CHEK1: variants seen among roughly 807,000 people sequenced by gnomAD.
CHEK1 encodes checkpoint kinase 1.
A neutral mutation model predicts 60.2 loss-of-function variants in CHEK1; 32 were observed. The ratio of observed to expected loss-of-function variants is 0.53; its 90% confidence interval spans 0.40 to 0.71. The LOEUF is 0.71. Among genes scored for constraint, CHEK1 ranks in the 30% least tolerant of loss-of-function variants. The pLI, the probability that CHEK1 is intolerant of heterozygous loss-of-function variation, is 0.00. For missense variants in CHEK1, 399 were observed against 564.6 expected, an observed-to-expected ratio of 0.71 and a Z score of 2.97; for synonymous variants, 179 against 187.2, an observed-to-expected ratio of 0.96 and a Z score of 0.36.
intron 13 of CHEK1, among the ~76,000 whole-genome samples, chr11:125,673,824 C>G (rs145173134): frequency 1.4e-3 from 211 of 152,210 alleles, no homozygotes; most frequent in African/African-American, 4.5e-3. Context: ...TCTGTCAGTT[C>G]TACTTGCAAT....
intron 13 of CHEK1, among the ~76,000 whole-genome samples, chr11:125,664,474 A>T (rs1048039576): frequency 6.6e-6 from 1 of 152,038 alleles, no homozygotes; most frequent in Non-Finnish European, 1.5e-5. Context: ...ACCTCAAGTG[A>T]TCCACCCATC....
chr11:125,638,445 G>C (rs1460155395), intron 8 of CHEK1, among the ~76,000 whole-genome samples: 2 of 152,108 alleles, frequency 1.3e-5, no homozygotes, highest in African/African-American at 4.8e-5. Context: ...AATGACTAGA[G>C]ATGATGAATG....
At chr11:125,637,422 G>A (rs1287019719) in intron 7 of CHEK1, 27 bp from the exon 8 acceptor site, 1 of 1,573,310 alleles carries the variant, frequency 6.4e-7, no homozygotes. Flanking sequence ...ATTCTTTCGT[G>A]AATGTTGTCG....
intron 6 of CHEK1, among the ~76,000 whole-genome samples, chr11:125,633,663 GCTGGT>G (rs1172920587): frequency 6.6e-6 from 1 of 152,082 alleles, no homozygotes; most frequent in Non-Finnish European, 1.5e-5. Context: ...TGTTGTCCAG[GCTGGT>G]CTTAAACACC....
intron 8 of CHEK1, among the ~76,000 whole-genome samples, chr11:125,638,153 G>A (rs148610232): frequency 6.6e-6 from 1 of 152,302 alleles, no homozygotes; most frequent in East Asian, 1.9e-4. Context: ...TTTAACTTAA[G>A]ACCACTGGGG....
At chr11:125,680,305 A>G (rs1321515500), downstream of CHEK1, among the ~76,000 whole-genome samples, 2 of 152,172 alleles carry the variant, frequency 1.3e-5, no homozygotes, top group South Asian at 2.1e-4. Context: ...TCTCTGGCCT[A>G]TAGCTCTGTC....
intron 13 of CHEK1, among the ~76,000 whole-genome samples, chr11:125,675,027 T>C (rs1174367144): frequency 1.3e-5 from 2 of 152,204 alleles, no homozygotes; most frequent in African/African-American, 2.4e-5. Flanking sequence ...TAAATCAGTA[T>C]CTCTTTAATC....
At chr11:125,670,236 T>G (rs1942176254) in intron 13 of CHEK1, among the ~76,000 whole-genome samples, 1 of 152,222 alleles carries the variant, frequency 6.6e-6, no homozygotes, top group Non-Finnish European at 1.5e-5. Context: ...TGTTTATTCG[T>G]ATGGCACTAT....
At chr11:125,661,060 G>C (rs1942004943), downstream of CHEK1, among the ~76,000 whole-genome samples, 1 of 152,172 alleles carries the variant, frequency 6.6e-6, no homozygotes, top group Admixed American at 6.5e-5. Context: ...ACAAGCGTGA[G>C]CCACTGCGCC....
intron 13 of CHEK1, among the ~76,000 whole-genome samples, chr11:125,675,683 A>G (rs1209842199): frequency 5.9e-5 from 9 of 152,134 alleles, no homozygotes; most frequent in African/African-American, 1.2e-4. Flanking sequence ...TATCCATTCA[A>G]TATTTACTAA....
At position 125,625,622 on chromosome 11, in the gene CHEK1, C is replaced by G. The variant is rs1940551735; in HGVS notation, c.-411C>G. On this transcript the variant is annotated 5_prime_UTR_variant, in exon 1 of 13. Transcript: ENST00000438015. Reference sequence around the variant, plus strand: ...GCCAGGAGCGAAGCCCGCAGCCCCGCCTGGAAGCGCAGCGCGGTCGGTCGC... The same window carrying G: ...GCCAGGAGCGAAGCCCGCAGCCCCGGCTGGAAGCGCAGCGCGGTCGGTCGC... 1.7e-6 allele frequency: 1 copy of G among 596,402 alleles called. No homozygotes were observed. The highest frequency in any genetic ancestry group is 3.0e-6 in the Non-Finnish European group (1 of 334,026). The allele number at this position is 596,402 out of a possible 1,614,324, so 36.9% of individuals were successfully genotyped here. A position where few individuals can be genotyped will look rare whatever the true frequency, so the allele number is the denominator to read the frequency against.
At chr11:125,666,542 T>C (rs1356189970) in intron 13 of CHEK1, among the ~76,000 whole-genome samples, 1 of 152,232 alleles carries the variant, frequency 6.6e-6, no homozygotes, top group Non-Finnish European at 1.5e-5. Context: ...AGTTTACCTC[T>C]GATGTTTCTT....
chr11:125,672,524 T>C, intron 13 of CHEK1: 2 of 1,583,732 alleles, frequency 1.3e-6, no homozygotes, highest in Non-Finnish European at 1.7e-6. Flanking sequence ...GAACTAAATA[T>C]AAAATGAGCC....
At chr11:125,665,121 T>C (rs1942075846) in intron 13 of CHEK1, among the ~76,000 whole-genome samples, 1 of 152,210 alleles carries the variant, frequency 6.6e-6, no homozygotes, top group Non-Finnish European at 1.5e-5. Flanking sequence ...CTCTATTCTG[T>C]TTCATTGGTC....
chr11:125,663,999 A>T (rs1259989909), intron 13 of CHEK1, among the ~76,000 whole-genome samples: 1 of 152,042 alleles, frequency 6.6e-6, no homozygotes, highest in East Asian at 1.9e-4. Flanking sequence ...CGAAGATCAG[A>T]TGGTTGTAGG....
In CHEK1 at chr11:125,644,107, T is replaced by G. The variant is rs1370402981; in HGVS notation, c.940T>G (p.Tyr314Asp). ...ATGCCTCAGTGAAGAAAATGTGAAG[T>G]ACTCCAGTTCTCAGCCAGAACCCCG... ...NSASSEENVK[Y>D]SSSQPEPRTG... Residue 314 changes from tyrosine to aspartate, a missense_variant, in exon 10 of 13, where the codon TAC becomes GAC. By Grantham distance (160) the Tyr-to-Asp change is radical. Transcript: ENST00000438015. 6.2e-7 allele frequency: 1 copy of G among 1,609,732 alleles called. No homozygotes were observed. Among genetic ancestry groups the G allele is most frequent in the Non-Finnish European group, 8.5e-7 (1 of 1,179,028 alleles).
At chr11:125,655,177 T>G (rs779352319) in intron 12 of CHEK1, 48 bp from the exon 13 acceptor site, 2 of 1,418,018 alleles carry the variant, frequency 1.4e-6, no homozygotes, top group East Asian at 4.7e-5. Flanking sequence ...CAGAATTTTG[T>G]TTTTGTTTTT....
At chr11:125,672,308 A>G (rs1389163626) in intron 13 of CHEK1, 3 of 267,174 alleles carry the variant, frequency 1.1e-5, no homozygotes, top group East Asian at 1.6e-4. Context: ...TTAATGGGGG[A>G]AAAAAAGGTC....
At chr11:125,652,333 G>A (rs568154888) in intron 11 of CHEK1, among the ~76,000 whole-genome samples, 1 of 152,132 alleles carries the variant, frequency 6.6e-6, no homozygotes, top group Non-Finnish European at 1.5e-5. Context: ...CATGCCATAG[G>A]AACGTTCTAA....
Sources: gnomAD v4.1 joint callset for allele counts (sites outside exome capture counted in the v4.1 genomes callset) on GRCh38, gnomAD v4.1.1 for gene constraint, MANE v1.5 for transcripts, NCBI Gene and HGNC (gene_info 2026-07-23, HGNC 2026-07-21) for gene names.